The following GRAMD2B variants were observed in gnomAD, a reference collection of about 807,000 sequenced individuals.
GRAMD2B encodes GRAM domain containing 2B.
A neutral mutation model predicts 59.2 loss-of-function variants in GRAMD2B; 41 were observed. The ratio of observed to expected loss-of-function variants is 0.69; its 90% CI spans 0.54 to 0.90. GRAMD2B has a LOEUF of 0.90. GRAMD2B is among the 40% of genes least tolerant of loss of function. The pLI, the probability that GRAMD2B is intolerant of heterozygous loss-of-function variation, is 0.00. For missense variants in GRAMD2B, 424 were observed against 500.5 expected (o/e 0.85, Z 1.46); for synonymous variants, 161 against 182.7 (o/e 0.88, Z 0.96).
chr5:126,449,809 C>G (rs547648082), intron 1 of GRAMD2B, among the ~76,000 whole-genome samples: 1 of 152,114 alleles, frequency 6.6e-6, no homozygotes, highest in Non-Finnish European at 1.5e-5. Context: ...GGCATGAGAC[C>G]GAAACCTGGC....
chr5:126,409,520 C>T (rs1430627677), intron 1 of GRAMD2B, among the ~76,000 whole-genome samples: 1 of 152,134 alleles, frequency 6.6e-6, no homozygotes, highest in Non-Finnish European at 1.5e-5. Flanking sequence ...CCTTCGCCAA[C>T]TTTTTGATGG....
intron 1 of GRAMD2B, among the ~76,000 whole-genome samples, chr5:126,401,736 T>A (rs72782484): frequency 0.012 from 1,808 of 152,226 alleles, 18 homozygotes; most frequent in South Asian, 0.018. Flanking sequence ...CTGCTTTACC[T>A]AGCACTTAGA....
intron 1 of GRAMD2B, among the ~76,000 whole-genome samples, chr5:126,439,474 G>A (rs1194776494): frequency 2.6e-5 from 4 of 151,626 alleles, no homozygotes; most frequent in South Asian, 4.1e-4. Context: ...TTACAGGCAC[G>A]TGCCACCATG....
rs887992026 is a variant in GRAMD2B at position 126,466,145 on chromosome 5, T to C, written c.203+600T>C. On this transcript the variant is annotated intron_variant, in intron 2 of 13. Coordinates refer to ENST00000285689, the MANE Select transcript of GRAMD2B (RefSeq NM_023927.4). ...TAGCGGTTAAACCAACAGTGTGTGA[T>C]GGGTGAGTGCAGTTTATCTAAACTG... The C allele has an allele frequency of 4.8e-6, 6 of 1,263,042 alleles. No individual in the cohort carries two copies. In the East Asian group the frequency reaches 1.3e-4, roughly 27 times the overall value. 78.2% of individuals were successfully genotyped at this position (1,263,042 alleles called of 1,614,324 possible).
At chr5:126,444,181 G>A (rs1369754704) in intron 1 of GRAMD2B, among the ~76,000 whole-genome samples, 1 of 152,140 alleles carries the variant, frequency 6.6e-6, no homozygotes, top group Admixed American at 6.5e-5. Flanking sequence ...ACTGTGGTAG[G>A]GGCCAGGGTG....
intron 1 of GRAMD2B, among the ~76,000 whole-genome samples, chr5:126,413,340 C>G (rs531535033): frequency 1.3e-4 from 20 of 152,170 alleles, no homozygotes; most frequent in African/African-American, 4.8e-4. Flanking sequence ...TTCTTGATTT[C>G]TGCCTTAATT....
At chr5:126,382,387 T>C (rs1755729117) in intron 1 of GRAMD2B, among the ~76,000 whole-genome samples, 1 of 152,168 alleles carries the variant, frequency 6.6e-6, no homozygotes, top group South Asian at 2.1e-4. Context: ...TTTCACTTTT[T>C]AAATTCTTTT....
At chr5:126,383,487 A>G (rs1335079770) in intron 1 of GRAMD2B, among the ~76,000 whole-genome samples, 1 of 152,178 alleles carries the variant, frequency 6.6e-6, no homozygotes, top group Non-Finnish European at 1.5e-5. Context: ...TTCTATTTGC[A>G]CAGTGCCTTA....
At chr5:126,469,644 A>G (rs1172466710) in intron 2 of GRAMD2B, 33 bp from the exon 3 acceptor site, 3 of 1,459,980 alleles carry the variant, frequency 2.1e-6, no homozygotes, top group Non-Finnish European at 2.8e-6. Context: ...AAAAAAAATT[A>G]TCTTATAGAC....
intron 1 of GRAMD2B, among the ~76,000 whole-genome samples, chr5:126,431,987 G>A (rs1024474212): frequency 2.0e-5 from 3 of 152,140 alleles, no homozygotes; most frequent in Admixed American, 1.3e-4. Context: ...GAGTGCAGTG[G>A]CGTGATCACA....
At chr5:126,491,197 G>A (rs1773863735) in intron 13 of GRAMD2B, among the ~76,000 whole-genome samples, 1 of 152,102 alleles carries the variant, frequency 6.6e-6, no homozygotes, top group South Asian at 2.1e-4. Flanking sequence ...GTGTTTTGTG[G>A]ATTTGGGATG....
At position 126,423,426 on chromosome 5, in the gene GRAMD2B, C is replaced by T. The variant is rs1759980627; in HGVS notation, c.-181C>T. 6.5e-6 allele frequency: 9 copies of T among 1,388,400 alleles called. No homozygotes were observed. The South Asian group carries it at 1.4e-4, about 22-fold the overall frequency. 86.0% of individuals were successfully genotyped at this position (1,388,400 alleles called of 1,614,324 possible). On this transcript the variant is annotated 5_prime_UTR_variant, in exon 1 of 14. The change creates a new upstream start codon in the 5' untranslated region. Coordinates refer to ENST00000285689, the MANE Select transcript of GRAMD2B (RefSeq NM_023927.4). ...GTCGGACCAATCGCGCCCGCTCCGA[C>T]GTGTCCAGGTCCGCGGCCCCGGGAG... is the stretch of plus-strand genomic sequence containing the variant.
At chr5:126,490,963 C>T (rs896885981) in intron 13 of GRAMD2B, among the ~76,000 whole-genome samples, 3 of 152,162 alleles carry the variant, frequency 2.0e-5, no homozygotes, top group Non-Finnish European at 4.4e-5. Flanking sequence ...CAAATGTCTC[C>T]TCAAAGTTTC....
chr5:126,429,476 C>T (rs1046176407), intron 1 of GRAMD2B, among the ~76,000 whole-genome samples: 2 of 152,024 alleles, frequency 1.3e-5, no homozygotes, highest in Non-Finnish European at 2.9e-5. Context: ...GTATAACAAA[C>T]CCCCATGATA....
intron 1 of GRAMD2B, among the ~76,000 whole-genome samples, chr5:126,410,953 G>C (rs2149756969): frequency 6.6e-6 from 1 of 151,942 alleles, no homozygotes; most frequent in South Asian, 2.1e-4. Flanking sequence ...TTTTAAATAG[G>C]GTTATTTGTT....
chr5:126,433,733 C>T (rs1044963478), intron 1 of GRAMD2B: 1 of 152,134 alleles, frequency 6.6e-6, no homozygotes, highest in Admixed American at 6.5e-5. Flanking sequence ...TTTTAAAAAC[C>T]ATAGATGGGT....
At chr5:126,408,910 A>G (rs557861583) in intron 1 of GRAMD2B, among the ~76,000 whole-genome samples, 4 of 139,762 alleles carry the variant, frequency 2.9e-5, no homozygotes, top group Middle Eastern at 8.0e-3. Context: ...TCATTGTTCA[A>G]TTCCCACCTA....
chr5:126,472,616 T>C (rs1000145672), intron 4 of GRAMD2B, among the ~76,000 whole-genome samples: 2 of 152,066 alleles, frequency 1.3e-5, no homozygotes, highest in African/African-American at 4.8e-5. Context: ...ATAACAAGCC[T>C]GGGGCAAGAG....
At chr5:126,470,627 T>TGGCTCACTGCAACCTC (rs1769376682) in intron 3 of GRAMD2B, among the ~76,000 whole-genome samples, 2 of 152,078 alleles carry the variant, frequency 1.3e-5, no homozygotes, top group African/African-American at 4.8e-5. Flanking sequence ...GCCACAATCT[T>TGGCTCACTGCAACCTC]GGCTCACTGC....
Sources: allele counts gnomAD v4.1 joint callset (sites outside exome capture counted in the v4.1 genomes callset), GRCh38; gene constraint gnomAD v4.1.1; transcripts MANE v1.5; gene names NCBI Gene and HGNC (gene_info 2026-07-23, HGNC 2026-07-21).